Variants in RYR2 observed in about 807,000 individuals in gnomAD.
RYR2 encodes ryanodine receptor 2.
In RYR2, 227 loss-of-function variants were observed where a neutral mutation model predicts 601.1. That is an observed-to-expected ratio of 0.38 (90% CI 0.34 to 0.42). RYR2 has a LOEUF of 0.42. Ranked by LOEUF, RYR2 falls within the 10% of genes least tolerant of loss-of-function variation. The pLI is 1.00. For missense variants in RYR2, 4,646 were observed against 6,156.5 expected (o/e 0.75, Z 8.21); for synonymous variants, 2,223 against 2,175.1 (o/e 1.02, Z -0.61).
rs562670321 is a variant in RYR2, at chr1:237,313,753, C to A, written c.169-17125C>A. ...GGAAAAGAAATTTGAAGACCATTATCTCTACTTTAGTTTCTAACTTAATGA... is the reference window on the plus strand; with the variant it reads ...GGAAAAGAAATTTGAAGACCATTATATCTACTTTAGTTTCTAACTTAATGA... On this transcript the variant is annotated intron_variant, in intron 2 of 104. Coordinates refer to ENST00000366574, the MANE Select transcript of RYR2 (RefSeq NM_001035.3). Among the ~76,000 whole-genome samples, 38 of 152,266 alleles carry A rather than the reference C, an allele frequency of 2.5e-4. No homozygotes were observed. In the South Asian group the frequency reaches 7.7e-3, roughly 31 times the overall value.
intron 87 of RYR2, among the ~76,000 whole-genome samples, chr1:237,776,777 G>A (rs1446874734): frequency 1.3e-5 from 2 of 152,228 alleles, no homozygotes; most frequent in Middle Eastern, 3.4e-3. Flanking sequence ...AGTGCACCAC[G>A]GAGCTGGCCC....
intron 25 of RYR2, among the ~76,000 whole-genome samples, chr1:237,533,758 A>G (rs1220642600): frequency 6.6e-6 from 1 of 152,170 alleles, no homozygotes; most frequent in Non-Finnish European, 1.5e-5. Context: ...AATCAATGAA[A>G]TTATAATTCT....
At chr1:237,638,638 A>ACTTAT in intron 45 of RYR2, 146 bp downstream of exon 45, 1 of 884,334 alleles carries the variant, frequency 1.1e-6, no homozygotes, top group South Asian at 1.9e-5. Flanking sequence ...CACAGTAACC[A>ACTTAT]CTTATAATAC....
chr1:237,798,533 T>G (rs189906774), intron 97 of RYR2, among the ~76,000 whole-genome samples: 1 of 151,272 alleles, frequency 6.6e-6, no homozygotes, highest in Admixed American at 6.6e-5. Flanking sequence ...AAACGTTAAT[T>G]TTCTTATGTT....
intron 2 of RYR2, among the ~76,000 whole-genome samples, chr1:237,312,003 G>A (rs762591245): frequency 1.3e-5 from 2 of 152,110 alleles, no homozygotes; most frequent in African/African-American, 4.8e-5. Context: ...AAAATTACTC[G>A]GTACTGGGAG....
In RYR2 at chr1:237,579,360, G is replaced by A. The variant is rs192967064; in HGVS notation, c.3598+10041G>A. Among the ~76,000 whole-genome samples, 320 of 146,624 alleles carry A rather than the reference G, an allele frequency of 2.2e-3. 2 individuals are homozygous for A. The highest frequency in any genetic ancestry group is 7.4e-3 in the African/African-American group (298 of 40,018). ...CAACCCCCGCCTCCTGAGTTCAAGC[G>A]ATTCTCCTGTCTCAGCCTCCAGAGT... On this transcript the variant is annotated intron_variant, in intron 29 of 104. Coordinates refer to ENST00000366574, the MANE Select transcript of RYR2 (RefSeq NM_001035.3).
chr1:237,562,578 A>G (rs529618917), intron 27 of RYR2, among the ~76,000 whole-genome samples: 15 of 152,314 alleles, frequency 9.8e-5, no homozygotes, highest in Non-Finnish European at 1.9e-4. Context: ...GAGGTAGTTC[A>G]TTAATAATAT....
chr1:237,440,217 T>A (rs191319861), intron 12 of RYR2, among the ~76,000 whole-genome samples: 11 of 152,296 alleles, frequency 7.2e-5, no homozygotes, highest in Admixed American at 6.5e-4. Flanking sequence ...TGTTAAACCT[T>A]GGGGTTATTT....
At chr1:237,310,599 T>C (rs969838509) in intron 2 of RYR2, among the ~76,000 whole-genome samples, 9 of 152,164 alleles carry the variant, frequency 5.9e-5, no homozygotes, top group Admixed American at 3.9e-4. Context: ...CCTTTAAATA[T>C]TGAAGCCCTT....
chr1:237,767,896 G>A (rs1693964180), intron 84 of RYR2, among the ~76,000 whole-genome samples: 1 of 152,136 alleles, frequency 6.6e-6, no homozygotes, highest in South Asian at 2.1e-4. Flanking sequence ...GTGCTTTAGA[G>A]TCAACTGTAT....
In RYR2 at chr1:237,237,685, C is replaced by G. The variant is rs189813410; in HGVS notation, c.49-32812C>G. ...TTCTTTGACATATTTTGAAATGGCT[C>G]TGCAAAGCTACCTCTTGTGGGGAAA... On this transcript the variant is annotated intron_variant, in intron 1 of 104. Transcript: ENST00000366574. Among the ~76,000 whole-genome samples, 49 of 152,302 alleles carry G rather than the reference C, an allele frequency of 3.2e-4. No individual in the cohort carries two copies. In the East Asian group the frequency reaches 9.3e-3, roughly 29 times the overall value.
intron 1 of RYR2, among the ~76,000 whole-genome samples, chr1:237,120,183 G>T (rs548875495): frequency 1.3e-5 from 2 of 152,020 alleles, no homozygotes; most frequent in East Asian, 3.9e-4. Flanking sequence ...TTTTATCAGG[G>T]GTTTTGAGAA....
chr1:237,210,250 A>C (rs1454314652), intron 1 of RYR2, among the ~76,000 whole-genome samples: 3 of 152,208 alleles, frequency 2.0e-5, no homozygotes. Flanking sequence ...GCTGAATTCT[A>C]ATTCAGTTAT....
intron 24 of RYR2, among the ~76,000 whole-genome samples, chr1:237,514,347 T>A (rs376969154): frequency 2.6e-5 from 4 of 152,352 alleles, no homozygotes; most frequent in African/African-American, 9.6e-5. Flanking sequence ...TCCAGTGTCA[T>A]ACCTACCAGC....
intron 12 of RYR2, among the ~76,000 whole-genome samples, chr1:237,436,871 A>G (rs1707435932): frequency 6.7e-6 from 1 of 149,378 alleles, no homozygotes; most frequent in Non-Finnish European, 1.5e-5. Flanking sequence ...CTAGTTTTAT[A>G]TATCTAGTAT....
intron 2 of RYR2, among the ~76,000 whole-genome samples, chr1:237,281,229 A>G (rs1046450969): frequency 1.3e-5 from 2 of 152,194 alleles, no homozygotes; most frequent in African/African-American, 4.8e-5. Context: ...ATTTTATACT[A>G]AATTAAACTC....
At chr1:237,059,512 A>C (rs1003526372) in intron 1 of RYR2, among the ~76,000 whole-genome samples, 1 of 152,182 alleles carries the variant, frequency 6.6e-6, no homozygotes, top group Non-Finnish European at 1.5e-5. Flanking sequence ...TTTTAAGGTT[A>C]GATAAATCCA....
At chr1:237,374,663 A>G in intron 6 of RYR2, 54 bp from the exon 7 acceptor site, 5 of 1,466,934 alleles carry the variant, frequency 3.4e-6, no homozygotes, top group Non-Finnish European at 4.7e-6. Flanking sequence ...TCTCAAACAC[A>G]AACAACAGAC....
chr1:237,139,136 C>T (rs1452586472), intron 1 of RYR2, among the ~76,000 whole-genome samples: 3 of 152,188 alleles, frequency 2.0e-5, no homozygotes, highest in Admixed American at 6.5e-5. Context: ...AAATGTCCAT[C>T]AGTTAATGAG....
Sources: gnomAD v4.1 joint callset for allele counts (sites outside exome capture counted in the v4.1 genomes callset) on GRCh38, gnomAD v4.1.1 for gene constraint, MANE v1.5 for transcripts, NCBI Gene and HGNC (gene_info 2026-07-23, HGNC 2026-07-21) for gene names.